ZNF503: variants seen among roughly 807,000 people sequenced by gnomAD.
ZNF503 encodes NocA-like zinc finger 2.
Under a neutral mutation model 34.4 loss-of-function variants are expected in ZNF503, and 15 were observed. The ratio of observed to expected loss-of-function variants is 0.44; its 90% CI spans 0.29 to 0.67. The LOEUF is 0.67. Ranked by LOEUF, ZNF503 falls within the 30% of genes least tolerant of loss-of-function variation. ZNF503 has a pLI of 0.13. For missense variants in ZNF503, 1,007 were observed against 926.8 expected, an observed-to-expected ratio of 1.09 and a Z score of -1.12; for synonymous variants, 580 against 456.8, an observed-to-expected ratio of 1.27 and a Z score of -3.44.
the ZNF503 span, among the ~76,000 whole-genome samples, chr10:75,359,945 T>G: frequency 6.6e-6 from 1 of 152,002 alleles, no homozygotes; most frequent in South Asian, 2.1e-4. Context: ...TATTGTCTCC[T>G]GCCCTGCAAT....
At chr10:75,290,950 A>G in the ZNF503 span, among the ~76,000 whole-genome samples, 1 of 152,320 alleles carries the variant, frequency 6.6e-6, no homozygotes, top group African/African-American at 2.4e-5. Flanking sequence ...AGATTGTCAA[A>G]AAGTTCTTAG....
At chr10:75,285,831 G>A in the ZNF503 span, among the ~76,000 whole-genome samples, 5 of 152,214 alleles carry the variant, frequency 3.3e-5, no homozygotes, top group African/African-American at 1.2e-4. Flanking sequence ...CTGGCAGTCT[G>A]TGTCCATGGA....
chr10:75,370,229 T>C, the ZNF503 span, among the ~76,000 whole-genome samples: 12 of 152,304 alleles, frequency 7.9e-5, no homozygotes, highest in Middle Eastern at 3.4e-3. Flanking sequence ...CTAATACTGT[T>C]AAGTTGACTG....
At chr10:75,351,531 A>T in the ZNF503 span, among the ~76,000 whole-genome samples, 1 of 152,160 alleles carries the variant, frequency 6.6e-6, no homozygotes, top group Non-Finnish European at 1.5e-5. Flanking sequence ...ACTGGGGCTG[A>T]GGACTCTCCA....
chr10:75,365,321 T>C, the ZNF503 span, among the ~76,000 whole-genome samples: 1 of 152,148 alleles, frequency 6.6e-6, no homozygotes, highest in African/African-American at 2.4e-5. Flanking sequence ...CTAATTTTTG[T>C]ATTTTTAGTA....
the ZNF503 span, among the ~76,000 whole-genome samples, chr10:75,356,458 G>C: frequency 6.6e-6 from 1 of 152,218 alleles, no homozygotes; most frequent in African/African-American, 2.4e-5. Context: ...CTCGTGATCC[G>C]CCTGCCTCAG....
the ZNF503 span, among the ~76,000 whole-genome samples, chr10:75,329,415 T>TTCCTTTCC: frequency 1.5e-4 from 14 of 90,458 alleles, no homozygotes; most frequent in Admixed American, 3.6e-4. Flanking sequence ...CCTTCCTTCC[T>TTCCTTTCC]TTCCTTCCTT....
chr10:75,345,669 G>GAAAAAA, the ZNF503 span, among the ~76,000 whole-genome samples: 1 of 146,280 alleles, frequency 6.8e-6, no homozygotes. Flanking sequence ...AAAAGAAAAA[G>GAAAAAA]AAAAAAAAAG....
At chr10:75,310,496 C>T in the ZNF503 span, among the ~76,000 whole-genome samples, 23 of 152,354 alleles carry the variant, frequency 1.5e-4, no homozygotes, top group Non-Finnish European at 2.8e-4. Context: ...TCATTCTACT[C>T]TAGCTAAACA....
the ZNF503 span, among the ~76,000 whole-genome samples, chr10:75,331,534 G>A: frequency 6.6e-6 from 1 of 152,182 alleles, no homozygotes; most frequent in Admixed American, 6.5e-5. Flanking sequence ...CTGCAGCCTT[G>A]AATTCCTGGG....
the ZNF503 span, among the ~76,000 whole-genome samples, chr10:75,369,133 G>A: frequency 7.9e-5 from 12 of 152,290 alleles, no homozygotes; most frequent in African/African-American, 2.9e-4. Context: ...GGTATAGTAT[G>A]ATCTCACTTG....
the ZNF503 span, among the ~76,000 whole-genome samples, chr10:75,289,931 C>T: frequency 2.0e-5 from 3 of 152,164 alleles, no homozygotes; most frequent in Non-Finnish European, 4.4e-5. Flanking sequence ...GCAGCCATCA[C>T]CACCATCCTT....
Position 75,401,499 on chromosome 10 carries a change from C to G in ZNF503, c.-80G>C. ...CGGGCTCGGGGCTGCGCGCTCGCCC[C>G]GGGAGCAGGAGCAGCGGGAGGAGGA... On this transcript the variant is annotated 5_prime_UTR_variant, in exon 1 of 2. Coordinates refer to ENST00000372524, the MANE Select transcript of ZNF503 (RefSeq NM_032772.6). The G allele has an allele frequency of 6.9e-7, 1 of 1,459,744 alleles. No individual in the cohort carries two copies. The allele number at this position is 1,459,744 out of a possible 1,614,324, so 90.4% of individuals were successfully genotyped here. A position where few individuals can be genotyped will look rare whatever the true frequency, so the allele number is the denominator to read the frequency against.
chr10:75,369,119 A>G, the ZNF503 span, among the ~76,000 whole-genome samples: 1 of 152,324 alleles, frequency 6.6e-6, no homozygotes, highest in South Asian at 2.1e-4. Context: ...GTTGCAAAAC[A>G]GTGGGTATAG....
the ZNF503 span, among the ~76,000 whole-genome samples, chr10:75,344,357 C>G: frequency 6.6e-6 from 1 of 152,196 alleles, no homozygotes; most frequent in Admixed American, 6.5e-5. Context: ...GTGCCTAGCC[C>G]CAGACAAGAA....
chr10:75,361,601 T>C, the ZNF503 span: 2 of 152,042 alleles, frequency 1.3e-5, no homozygotes, highest in African/African-American at 4.8e-5. Flanking sequence ...AATGGATGCC[T>C]TAAAAAAAAA....
chr10:75,393,688 C>G (rs1333893855), downstream of ZNF503, among the ~76,000 whole-genome samples: 1 of 152,100 alleles, frequency 6.6e-6, no homozygotes, highest in African/African-American at 2.4e-5. Context: ...GAAACCCTGT[C>G]TTTACTAAAA....
At chr10:75,352,361 T>A in the ZNF503 span, among the ~76,000 whole-genome samples, 237 of 152,316 alleles carry the variant, frequency 1.6e-3, 2 homozygotes, top group Middle Eastern at 6.8e-3. Context: ...AGAGACCTGG[T>A]CTTTTTCCCC....
chr10:75,382,208 CT>C, the ZNF503 span, among the ~76,000 whole-genome samples: 34 of 152,102 alleles, frequency 2.2e-4, no homozygotes, highest in Non-Finnish European at 3.5e-4. Context: ...GGGAGTCATA[CT>C]TTTTTTTCAT....
Sources: gnomAD v4.1 joint callset for allele counts (sites outside exome capture counted in the v4.1 genomes callset) on GRCh38, gnomAD v4.1.1 for gene constraint, MANE v1.5 for transcripts, NCBI Gene and HGNC (gene_info 2026-07-23, HGNC 2026-07-21) for gene names.